Variants in EDDM13 observed in about 807,000 individuals in gnomAD.
The protein encoded by EDDM13 is epididymal protein 13.
EDDM13 carries 24 observed loss-of-function variants against 17.8 expected under a neutral mutation model. The ratio of observed to expected loss-of-function variants is 1.35; its 90% CI spans 0.98 to 1.90. The LOEUF (loss-of-function observed/expected upper bound fraction) is 1.90. Among genes scored for constraint, EDDM13 ranks in the 40% most tolerant of loss-of-function variants. EDDM13 has a pLI of 0.00. For missense variants in EDDM13, 97 were observed against 100.8 expected (o/e 0.96, Z 0.16); for synonymous variants, 31 against 37.5 (o/e 0.83, Z 0.63).
chr19:56,282,583 C>A (rs1035159011), intron 4 of EDDM13, 84 bp downstream of exon 4: 4 of 837,798 alleles, frequency 4.8e-6, no homozygotes, highest in Admixed American at 1.2e-4. Context: ...CTTCGACTTA[C>A]GTTTCTTCTC....
intron 5 of EDDM13, 92 bp from the exon 6 acceptor site, chr19:56,284,904 GTT>G (rs1420288729): frequency 1.8e-6 from 1 of 558,178 alleles, no homozygotes; most frequent in Non-Finnish European, 2.3e-6. Context: ...CTGAAGAAGA[GTT>G]TGTTACATCT....
chr19:56,286,005 A>G (rs1014994164), intron 6 of EDDM13, among the ~76,000 whole-genome samples: 7 of 152,120 alleles, frequency 4.6e-5, no homozygotes, highest in Admixed American at 4.6e-4. Context: ...CTTCAGCAGC[A>G]TGGGATATTA....
At chr19:56,300,521 A>T (rs1475198081) in intron 12 of EDDM13, among the ~76,000 whole-genome samples, 1 of 152,234 alleles carries the variant, frequency 6.6e-6, no homozygotes, top group African/African-American at 2.4e-5. Context: ...AAGCTGGGGA[A>T]GATGTTTCGA....
intron 9 of EDDM13, among the ~76,000 whole-genome samples, chr19:56,293,433 TG>T (rs1489241630): frequency 1.3e-5 from 2 of 152,182 alleles, no homozygotes; most frequent in Admixed American, 6.5e-5. Context: ...ATCCCTACAC[TG>T]GAAGTATTAT....
intron 9 of EDDM13, among the ~76,000 whole-genome samples, chr19:56,293,933 A>G (rs1337242049): frequency 6.6e-6 from 1 of 152,166 alleles, no homozygotes; most frequent in Admixed American, 6.5e-5. Context: ...CTGGCACGGG[A>G]TAAGAGCTCA....
At position 56,293,962 on chromosome 19, in the gene EDDM13, C is replaced by T. The variant is rs374018849; in HGVS notation, c.233-1997C>T. On this transcript the variant is annotated intron_variant, in intron 9 of 14. Transcript: ENST00000649256. The stretch of plus-strand genomic sequence containing the variant: ...GAGCTCAGCAAGGGTCTGTGAGGAC[C>T]ACCTCATTTACCTTTGTTCTGAACA... Among the ~76,000 whole-genome samples, 25 of 152,312 alleles carry T rather than the reference C, an allele frequency of 1.6e-4. No homozygotes were observed. The East Asian group carries it at 4.2e-3, about 26-fold the overall frequency.
intron 8 of EDDM13, among the ~76,000 whole-genome samples, chr19:56,289,900 C>T (rs2039400470): frequency 6.6e-6 from 1 of 152,204 alleles, no homozygotes; most frequent in Non-Finnish European, 1.5e-5. Context: ...AGGCAGGAGC[C>T]ACCACTTCTG....
chr19:56,273,527 G>A (rs941537726), intron 1 of EDDM13, among the ~76,000 whole-genome samples: 27 of 152,132 alleles, frequency 1.8e-4, no homozygotes, highest in African/African-American at 5.3e-4. Context: ...GTGGGGATTC[G>A]GAGATGGCCT....
intron 4 of EDDM13, chr19:56,283,494 A>G (rs1334071189): frequency 6.6e-6 from 1 of 152,178 alleles, no homozygotes; most frequent in Non-Finnish European, 1.5e-5. Context: ...GCCCACATCA[A>G]TATTCCCAAC....
chr19:56,307,607 AATTGTTC>A (rs2040779226), intron 14 of EDDM13, among the ~76,000 whole-genome samples: 1 of 152,094 alleles, frequency 6.6e-6, no homozygotes, highest in Admixed American at 6.5e-5. Context: ...GTTTCCTTTT[AATTGTTC>A]ATACGGAGAA....
Position 56,290,858 on chromosome 19 carries a change from T to C in EDDM13, c.232+12T>C, listed in dbSNP as rs1476901809. ...TCCTCCAGTAAAAAGTAAGTTATTT[T>C]TCCTTTCCTATGGGTCACTTGGAAG... On this transcript the variant is annotated intron_variant, in intron 9 of 14. Coordinates refer to ENST00000649256, the MANE Select transcript of EDDM13 (RefSeq NM_001354658.2). Among the ~76,000 whole-genome samples the C allele has an allele frequency of 1.3e-5, 2 of 152,208 alleles. No individual in the cohort carries two copies. Among genetic ancestry groups the C allele is most frequent in the Non-Finnish European group, 2.9e-5 (2 of 68,038 alleles).
At chr19:56,292,960 C>A (rs999958916) in intron 9 of EDDM13, among the ~76,000 whole-genome samples, 1 of 152,188 alleles carries the variant, frequency 6.6e-6, no homozygotes, top group African/African-American at 2.4e-5. Flanking sequence ...TTAATCCAAT[C>A]ATCCACTGAT....
intron 9 of EDDM13, among the ~76,000 whole-genome samples, chr19:56,291,349 G>T (rs2039494799): frequency 6.6e-6 from 1 of 152,164 alleles, no homozygotes; most frequent in African/African-American, 2.4e-5. Context: ...AATACCTGGG[G>T]CTTCTGTCCA....
chr19:56,283,595 C>G (rs1364027000), intron 4 of EDDM13: 1 of 152,134 alleles, frequency 6.6e-6, no homozygotes, highest in Non-Finnish European at 1.5e-5. Context: ...CTAGCAAACC[C>G]AGTGGGATTC....
chr19:56,302,259 G>A (rs557587911), intron 13 of EDDM13, among the ~76,000 whole-genome samples, 164 bp downstream of exon 13: 10 of 151,762 alleles, frequency 6.6e-5, no homozygotes, highest in East Asian at 2.0e-4. Flanking sequence ...TCTCCCACCC[G>A]CCTCCATCTC....
chr19:56,304,941 G>A (rs185543576), intron 14 of EDDM13, 111 bp downstream of exon 14: 124 of 280,444 alleles, frequency 4.4e-4, no homozygotes, highest in African/African-American at 2.7e-3. Context: ...TTTGGAAGCT[G>A]CAATCATAGA....
At chr19:56,278,932 T>C (rs1600165579) in intron 2 of EDDM13, among the ~76,000 whole-genome samples, 1 of 152,316 alleles carries the variant, frequency 6.6e-6, no homozygotes, top group Admixed American at 6.5e-5. Context: ...AACTGGATGG[T>C]GCTCACCCAC....
chr19:56,280,370 T>C (rs963377277), intron 2 of EDDM13, among the ~76,000 whole-genome samples: 4 of 152,188 alleles, frequency 2.6e-5, no homozygotes, highest in Non-Finnish European at 4.4e-5. Context: ...ACTCAGGTTG[T>C]TTTCAGTAGT....
intron 13 of EDDM13, among the ~76,000 whole-genome samples, chr19:56,303,547 A>G (rs1026778964): frequency 5.9e-5 from 9 of 151,826 alleles, no homozygotes; most frequent in Non-Finnish European, 1.3e-4. Flanking sequence ...GACGGAAGGG[A>G]AGGAGGGATG....
Sources: allele counts gnomAD v4.1 joint callset (sites outside exome capture counted in the v4.1 genomes callset), GRCh38; gene constraint gnomAD v4.1.1; transcripts MANE v1.5; gene names NCBI Gene and HGNC (gene_info 2026-07-23, HGNC 2026-07-21).